The following KCNN2 variants were observed in gnomAD, a reference collection of about 807,000 sequenced individuals.
The protein encoded by KCNN2 is potassium calcium-activated channel subfamily N member 2.
Under a neutral mutation model 55.5 loss-of-function variants are expected in KCNN2, and 24 were observed. The ratio of observed to expected loss-of-function variants is 0.43; its 90% confidence interval spans 0.31 to 0.61. KCNN2 has a LOEUF of 0.61. Among genes scored for constraint, KCNN2 ranks in the 20% least tolerant of loss-of-function variants. The pLI is 0.08. For missense variants in KCNN2, 754 were observed against 853.6 expected, an observed-to-expected ratio of 0.88 and a Z score of 1.45; for synonymous variants, 431 against 336.1, an observed-to-expected ratio of 1.28 and a Z score of -3.09.
chr5:114,162,765 A>G (rs920413692), intron 1 of KCNN2, among the ~76,000 whole-genome samples: 6 of 152,004 alleles, frequency 3.9e-5, no homozygotes, highest in East Asian at 1.9e-4. Flanking sequence ...TGTGCTAGCA[A>G]TGAGTGAGGC....
intron 2 of KCNN2, among the ~76,000 whole-genome samples, chr5:114,306,765 A>T (rs1756285817): frequency 6.8e-6 from 1 of 146,164 alleles, no homozygotes; most frequent in African/African-American, 2.6e-5. Flanking sequence ...CAGTGGCACG[A>T]TCTCAGCTCA....
intron 2 of KCNN2, among the ~76,000 whole-genome samples, chr5:114,277,126 G>C (rs1047827480): frequency 3.3e-5 from 5 of 152,108 alleles, no homozygotes; most frequent in Admixed American, 2.6e-4. Context: ...GAAATTCTGG[G>C]TTGAAAATTC....
intron 1 of KCNN2, among the ~76,000 whole-genome samples, chr5:114,187,064 C>T (rs577757807): frequency 1.1e-4 from 16 of 152,164 alleles, no homozygotes; most frequent in South Asian, 4.1e-4. Flanking sequence ...ACTTTAGAAA[C>T]GTAAGAGTGA....
intron 4 of KCNN2, among the ~76,000 whole-genome samples, chr5:114,467,083 C>G (rs748113281): frequency 6.6e-6 from 1 of 152,060 alleles, no homozygotes; most frequent in Non-Finnish European, 1.5e-5. Context: ...TGCCCTGTGC[C>G]GAGGAAATCT....
chr5:114,426,160 C>CA (rs532770366), intron 3 of KCNN2, among the ~76,000 whole-genome samples: 3,981 of 148,248 alleles, frequency 0.027, 166 homozygotes, highest in African/African-American at 0.092. Context: ...CACCCTGTCT[C>CA]AAAAAAAAAA....
chr5:114,430,784 C>T (rs1759768123), intron 3 of KCNN2, among the ~76,000 whole-genome samples: 1 of 151,964 alleles, frequency 6.6e-6, no homozygotes, highest in Non-Finnish European at 1.5e-5. Context: ...TCTTAGTTTC[C>T]TGGTAGATTT....
chr5:114,141,017 G>T (rs920462480), intron 1 of KCNN2, among the ~76,000 whole-genome samples: 5 of 151,872 alleles, frequency 3.3e-5, no homozygotes, highest in African/African-American at 1.2e-4. Context: ...TCGAACTCTT[G>T]ACCTAGTGAT....
At chr5:114,388,024 A>G (rs974238942) in intron 2 of KCNN2, among the ~76,000 whole-genome samples, 1 of 152,210 alleles carries the variant, frequency 6.6e-6, no homozygotes, top group Non-Finnish European at 1.5e-5. Context: ...TTATGTGTTC[A>G]CTAAATAGAA....
chr5:114,483,432 G>T (rs1403096469), intron 5 of KCNN2, among the ~76,000 whole-genome samples: 1 of 151,474 alleles, frequency 6.6e-6, no homozygotes, highest in African/African-American at 2.4e-5. Flanking sequence ...GCTCAACCAC[G>T]CCCATCTAAT....
At chr5:114,384,680 C>T (rs1758222934) in intron 2 of KCNN2, among the ~76,000 whole-genome samples, 2 of 152,172 alleles carry the variant, frequency 1.3e-5, no homozygotes, top group Admixed American at 1.3e-4. Flanking sequence ...CTTCTAATTG[C>T]ATACGACCAG....
At chr5:114,288,116 T>C (rs1755793230) in intron 2 of KCNN2, among the ~76,000 whole-genome samples, 1 of 152,218 alleles carries the variant, frequency 6.6e-6, no homozygotes, top group African/African-American at 2.4e-5. Context: ...CTTTTGTGTC[T>C]GGCTTCCATT....
rs374971818 is a variant in KCNN2, at chr5:114,238,672, A to G, written c.-185+17107A>G. 2.3e-4 allele frequency among the ~76,000 whole-genome samples: 35 copies of G among 152,154 alleles called. No individual in the cohort carries two copies. In the East Asian group the frequency reaches 2.5e-3, roughly 11 times the overall value. The stretch of plus-strand genomic sequence containing the variant: ...TTGTTCTCTACTGTATTGAAATTTA[A>G]TTTTCTAAAAAACAATTTATTGGAT... On this transcript the variant is annotated intron_variant, in intron 2 of 10. Coordinates refer to the KCNN2 transcript ENST00000512097.
chr5:114,424,569 C>A (rs1402898908), intron 3 of KCNN2, among the ~76,000 whole-genome samples: 1 of 152,180 alleles, frequency 6.6e-6, no homozygotes, highest in Non-Finnish European at 1.5e-5. Flanking sequence ...AATATAAATG[C>A]TGCTCATATT....
chr5:114,348,309 T>C (rs1757150736), intron 2 of KCNN2, among the ~76,000 whole-genome samples: 1 of 148,730 alleles, frequency 6.7e-6, no homozygotes, highest in African/African-American at 2.5e-5. Flanking sequence ...CATTAGGAGA[T>C]ATACCTAATG....
intron 1 of KCNN2, among the ~76,000 whole-genome samples, chr5:114,065,931 T>A (rs1489380663): frequency 6.9e-6 from 1 of 145,902 alleles, no homozygotes; most frequent in Non-Finnish European, 1.5e-5. Flanking sequence ...CCATGTTTAG[T>A]TATTTCATGA....
chr5:114,258,762 G>C (rs191025302), intron 2 of KCNN2, among the ~76,000 whole-genome samples: 125 of 152,288 alleles, frequency 8.2e-4, no homozygotes, highest in South Asian at 4.6e-3. Context: ...GTGTAGCTGA[G>C]AGCTGTAAAA....
chr5:114,323,649 A>ATTTTTTTTTTTTTTTTTGTTT (rs1756656460), intron 2 of KCNN2, among the ~76,000 whole-genome samples: 1 of 85,318 alleles, frequency 1.2e-5, no homozygotes, highest in Non-Finnish European at 2.3e-5. Flanking sequence ...AAACATATCA[A>ATTTTTTTTTTTTTTTTTGTTT]TTTTTTTTTT....
At chr5:114,358,510 G>A (rs1264475007), upstream of KCNN2, among the ~76,000 whole-genome samples, 2 of 152,190 alleles carry the variant, frequency 1.3e-5, no homozygotes, top group African/African-American at 2.4e-5. Flanking sequence ...GATTAGATTT[G>A]AAATACATTT....
chr5:114,312,167 C>T (rs1163708732), intron 2 of KCNN2, among the ~76,000 whole-genome samples: 1 of 151,826 alleles, frequency 6.6e-6, no homozygotes, highest in Non-Finnish European at 1.5e-5. Context: ...TGCTAATTCA[C>T]AAGAGGGGTG....
Sources: allele counts gnomAD v4.1 joint callset (sites outside exome capture counted in the v4.1 genomes callset), GRCh38; gene constraint gnomAD v4.1.1; transcripts MANE v1.5; gene names NCBI Gene and HGNC (gene_info 2026-07-23, HGNC 2026-07-21).